ATL2: variants seen among roughly 807,000 people sequenced by gnomAD.
ATL2 encodes the protein atlastin GTPase 2.
A neutral mutation model predicts 73.9 loss-of-function variants in ATL2; 31 were observed. The observed-to-expected ratio is 0.42, with a 90% CI of 0.32 to 0.57. ATL2 has a LOEUF of 0.57. Among genes scored for constraint, ATL2 ranks in the 20% least tolerant of loss-of-function variants. The pLI is 0.14. For synonymous variants in ATL2, 291 were observed against 237.5 expected, an observed-to-expected ratio of 1.23 and a Z score of -2.07; for missense variants, 738 against 702.6, an observed-to-expected ratio of 1.05 and a Z score of -0.57.
chr2:38,301,809 G>A (rs532636624), intron 9 of ATL2, among the ~76,000 whole-genome samples: 9 of 152,300 alleles, frequency 5.9e-5, no homozygotes, highest in Admixed American at 5.9e-4. Flanking sequence ...CTCAGAGCCA[G>A]TGGACCTGGG....
intron 1 of ATL2, chr2:38,354,086 G>A (rs916126946): frequency 5.6e-6 from 2 of 360,304 alleles, no homozygotes; most frequent in East Asian, 1.0e-4. Context: ...CAGCTACTTG[G>A]GAGGCTGAGG....
At chr2:38,370,224 G>T (rs1671598377) in intron 1 of ATL2, among the ~76,000 whole-genome samples, 1 of 150,070 alleles carries the variant, frequency 6.7e-6, no homozygotes, top group Non-Finnish European at 1.5e-5. Flanking sequence ...CAGCACTTTG[G>T]GGGCCGAGGT....
intron 2 of ATL2, among the ~76,000 whole-genome samples, chr2:38,331,297 A>G (rs1668975869): frequency 6.6e-6 from 1 of 151,972 alleles, no homozygotes; most frequent in African/African-American, 2.4e-5. Flanking sequence ...GTAGCTGGGC[A>G]TGGTGGCGCA....
intron 2 of ATL2, among the ~76,000 whole-genome samples, chr2:38,342,343 T>C (rs923168898): frequency 1.3e-5 from 2 of 152,026 alleles, no homozygotes; most frequent in African/African-American, 4.8e-5. Flanking sequence ...GCAACTAAAG[T>C]AATATCAATA....
chr2:38,358,261 G>A (rs888850681), intron 1 of ATL2, among the ~76,000 whole-genome samples: 2 of 152,146 alleles, frequency 1.3e-5, no homozygotes, highest in African/African-American at 4.8e-5. Context: ...AAGCTAAACT[G>A]TAATGCTCTA....
chr2:38,377,161 A>G lies in ATL2; in HGVS notation c.100T>C (p.Ser34Pro). ...CCCGTACCTAGGGAGGTCGTGGACG[A>G]GACGTGGTTAACCGCGGCGCTTGGG... ...SDPSAAVNHV[S>P]STTSLGENYE... is the part of the protein sequence containing the mutation. The change falls in exon 1 of 13, where the codon TCG (serine) becomes CCG (proline). Residue 34 changes from serine (S) to proline (P), a missense_variant. Physicochemically the swap from Ser to Pro is moderately conservative, Grantham distance 74. Coordinates refer to ENST00000378954, the MANE Select transcript of ATL2 (RefSeq NM_001135673.4). 3 of 1,610,672 alleles carry G rather than the reference A, an allele frequency of 1.9e-6. No individual in the cohort carries two copies. The highest frequency in any genetic ancestry group is 2.5e-6 in the Non-Finnish European group (3 of 1,179,402).
intron 2 of ATL2, among the ~76,000 whole-genome samples, chr2:38,327,537 G>GA (rs1668733383): frequency 1.4e-5 from 1 of 71,936 alleles, no homozygotes; most frequent in Non-Finnish European, 2.6e-5. Flanking sequence ...AAAAAAAAAA[G>GA]TACAAAAAAA....
chr2:38,364,746 C>A (rs1166741086), intron 1 of ATL2, among the ~76,000 whole-genome samples: 2 of 152,116 alleles, frequency 1.3e-5, no homozygotes, highest in African/African-American at 4.8e-5. Context: ...CTTTTAGGCT[C>A]AAAAAATAAC....
At chr2:38,371,983 G>A (rs551476243) in intron 1 of ATL2, among the ~76,000 whole-genome samples, 1 of 152,192 alleles carries the variant, frequency 6.6e-6, no homozygotes, top group South Asian at 2.1e-4. Context: ...AAAAATCATA[G>A]GAAGTTTGCA....
chr2:38,318,722 G>A (rs1668162060), intron 3 of ATL2, 83 bp from the exon 4 acceptor site: 1 of 1,348,072 alleles, frequency 7.4e-7, no homozygotes, highest in African/African-American at 1.5e-5. Flanking sequence ...AATTTGAAAA[G>A]CAGTAATTAA....
intron 1 of ATL2, 123 bp downstream of exon 1, chr2:38,377,020 C>G: frequency 1.4e-6 from 1 of 736,706 alleles, no homozygotes; most frequent in Non-Finnish European, 2.0e-6. Flanking sequence ...GGCGCGGCGG[C>G]GGGAGGAGAC....
At chr2:38,312,256 A>C (rs1667793495) in intron 7 of ATL2, among the ~76,000 whole-genome samples, 1 of 152,140 alleles carries the variant, frequency 6.6e-6, no homozygotes, top group African/African-American at 2.4e-5. Flanking sequence ...TCAAATTGTA[A>C]TGCCCATGTG....
intron 1 of ATL2, among the ~76,000 whole-genome samples, chr2:38,353,735 A>G (rs1670492834): frequency 6.6e-6 from 1 of 152,246 alleles, no homozygotes; most frequent in Non-Finnish European, 1.5e-5. Flanking sequence ...TATACAGAGC[A>G]GAATAATTCA....
At chr2:38,342,515 A>C (rs1361790190) in intron 2 of ATL2, among the ~76,000 whole-genome samples, 1 of 152,180 alleles carries the variant, frequency 6.6e-6, no homozygotes, top group Non-Finnish European at 1.5e-5. Context: ...TGACATATGA[A>C]GGGCAAGAGA....
intron 2 of ATL2, among the ~76,000 whole-genome samples, chr2:38,339,866 T>C (rs1235936958): frequency 6.6e-6 from 1 of 152,016 alleles, no homozygotes; most frequent in Non-Finnish European, 1.5e-5. Context: ...AATTTTTGTA[T>C]TTTTAGTAGA....
intron 1 of ATL2, among the ~76,000 whole-genome samples, chr2:38,367,594 C>CAA (rs367909549): frequency 0.73 from 37,760 of 51,962 alleles, 13,733 homozygotes; most frequent in South Asian, 0.82. Context: ...GAATCCATCT[C>CAA]AAAAAAAAAA....
chr2:38,365,681 AGT>A (rs1491453354), intron 1 of ATL2, among the ~76,000 whole-genome samples: 18,231 of 151,826 alleles, frequency 0.12, 3,222 homozygotes, highest in African/African-American at 0.39. Context: ...GTCCCTTGGG[AGT>A]AGCTACTTGG....
At chr2:38,354,556 G>A (rs577410712) in intron 1 of ATL2, among the ~76,000 whole-genome samples, 4 of 151,836 alleles carry the variant, frequency 2.6e-5, no homozygotes, top group South Asian at 2.1e-4. Flanking sequence ...CTAGAGTAAC[G>A]GCTTTAAAAC....
chr2:38,313,224 C>T lies in ATL2; in HGVS notation c.731G>A (p.Arg244Gln). ...KPFQTLMFLI[R>Q]DWSYPYEHSY... The stretch of plus-strand genomic sequence containing the variant: ...ATGTTCATAAGGATAGCTCCAATCT[C>T]GAATCAAAAACATTAATGTCTATAC... Residue 244 changes from arginine (R) to glutamine (Q), a missense_variant, in exon 7 of 13, where the codon CGA becomes CAA. Physicochemically the swap from Arg to Gln is conservative, Grantham distance 43. Coordinates refer to ENST00000378954, the MANE Select transcript of ATL2 (RefSeq NM_001135673.4). 6.2e-7 allele frequency: 1 copy of T among 1,609,874 alleles called. No individual in the cohort carries two copies. The highest frequency in any genetic ancestry group is 8.5e-7 in the Non-Finnish European group (1 of 1,178,364).
Sources: allele counts gnomAD v4.1 joint callset (sites outside exome capture counted in the v4.1 genomes callset), GRCh38; gene constraint gnomAD v4.1.1; transcripts MANE v1.5; gene names NCBI Gene and HGNC (gene_info 2026-07-23, HGNC 2026-07-21).